Variants in DACH2 observed in about 807,000 individuals in gnomAD.
The protein encoded by DACH2 is dachshund homolog 2.
DACH2 carries 17 observed loss-of-function variants against 35.8 expected under a neutral mutation model. That is an observed-to-expected ratio of 0.48 (90% CI 0.33 to 0.71). The LOEUF (loss-of-function observed/expected upper bound fraction) is 0.71, where lower values mean the gene tolerates loss of function less well. DACH2 is among the 30% of genes least tolerant of loss of function. The pLI, the probability that DACH2 is intolerant of heterozygous loss-of-function variation, is 0.02. For missense variants in DACH2, 469 were observed against 472.7 expected, an observed-to-expected ratio of 0.99 and a Z score of 0.07; for synonymous variants, 195 against 177.3, an observed-to-expected ratio of 1.10 and a Z score of -0.79.
chrX:86,295,450 C>G (rs73516068), intron 1 of DACH2, among the ~76,000 whole-genome samples: 1 of 111,713 alleles, frequency 9.0e-6, no homozygotes, highest in African/African-American at 3.3e-5. Context: ...CATACCCAAC[C>G]AGTTCACTCT....
At chrX:86,575,240 G>A (rs2039422462) in intron 3 of DACH2, among the ~76,000 whole-genome samples, 1 of 110,787 alleles carries the variant, frequency 9.0e-6, no homozygotes, top group African/African-American at 3.3e-5. Context: ...GCACTTGAGA[G>A]CAATCTTTTC....
At chrX:86,598,172 G>A (rs915663247) in intron 3 of DACH2, among the ~76,000 whole-genome samples, 1 of 111,647 alleles carries the variant, frequency 9.0e-6, no homozygotes, top group Admixed American at 9.5e-5. Flanking sequence ...AGATTTGGGT[G>A]GGGACACAGC....
At chrX:86,164,976 C>T (rs1181361845) in intron 1 of DACH2, among the ~76,000 whole-genome samples, 4 of 109,890 alleles carry the variant, frequency 3.6e-5, no homozygotes, top group East Asian at 2.8e-4. Flanking sequence ...TTGTGAAGAA[C>T]GTCATTGGTA....
rs1185129427 is a variant in DACH2, at chrX:86,290,687, C to T, written c.489-86137C>T. Among the ~76,000 whole-genome samples, 9 of 103,705 alleles carry T rather than the reference C, an allele frequency of 8.7e-5. No homozygotes were observed. The East Asian group carries it at 2.5e-3, about 29-fold the overall frequency. 90.1% of individuals were successfully genotyped at this position (103,705 alleles called of 115,157 possible). ...CCATTTATTAAATAGGGAATCCTTT[C>T]CCCATTGCTTGTTTTTCTCAGGTTT... On this transcript the variant is annotated intron_variant, in intron 1 of 11. Transcript: ENST00000373125.
intron 1 of DACH2, among the ~76,000 whole-genome samples, chrX:86,208,629 T>A (rs1396794810): frequency 1.8e-5 from 2 of 111,852 alleles, no homozygotes; most frequent in Admixed American, 1.9e-4. Context: ...GTGTCCTTTT[T>A]TCTACTATGT....
At chrX:86,443,329 C>T (rs1191059263) in intron 2 of DACH2, among the ~76,000 whole-genome samples, 2 of 110,710 alleles carry the variant, frequency 1.8e-5, no homozygotes, top group Non-Finnish European at 3.8e-5. Context: ...ATTGATATTT[C>T]ACTGTGTATA....
At chrX:86,584,722 G>T (rs1391173920) in intron 3 of DACH2, among the ~76,000 whole-genome samples, 3 of 110,498 alleles carry the variant, frequency 2.7e-5, no homozygotes, top group African/African-American at 6.6e-5. Context: ...TAGATTCAGG[G>T]GATATTGAGT....
chrX:86,390,254 A>G (rs1289911173), intron 2 of DACH2, among the ~76,000 whole-genome samples: 1 of 112,112 alleles, frequency 8.9e-6, no homozygotes, highest in Non-Finnish European at 1.9e-5. Context: ...AATTGGACAG[A>G]TTTGTTTTGG....
chrX:86,552,526 A>G (rs940459843), intron 3 of DACH2, among the ~76,000 whole-genome samples: 2 of 112,308 alleles, frequency 1.8e-5, no homozygotes, highest in Non-Finnish European at 3.8e-5. Context: ...AGGGAAGATT[A>G]AAACGCAAAA....
At chrX:86,638,866 T>A (rs1338928269) in intron 3 of DACH2, among the ~76,000 whole-genome samples, 1 of 112,021 alleles carries the variant, frequency 8.9e-6, no homozygotes, top group Admixed American at 9.5e-5. Context: ...CTCAATGAAC[T>A]AAAAATAGAA....
chrX:86,293,831 A>C (rs1165499418), intron 1 of DACH2, among the ~76,000 whole-genome samples: 1 of 110,903 alleles, frequency 9.0e-6, no homozygotes, highest in Non-Finnish European at 1.9e-5. Context: ...GGGTAACCCT[A>C]TGTTTCTCTC....
At chrX:86,402,893 A>G (rs1002068706) in intron 2 of DACH2, among the ~76,000 whole-genome samples, 1 of 111,939 alleles carries the variant, frequency 8.9e-6, no homozygotes, top group South Asian at 3.7e-4. Flanking sequence ...ACCTACAACC[A>G]TCTGATCTTT....
chrX:86,294,835 A>C (rs763649576), intron 1 of DACH2, among the ~76,000 whole-genome samples: 97 of 108,826 alleles, frequency 8.9e-4, no homozygotes, highest in Middle Eastern at 9.7e-3. Flanking sequence ...GCTGTCAGAC[A>C]GGGACATTTA....
intron 7 of DACH2, among the ~76,000 whole-genome samples, chrX:86,751,728 G>GA (rs1207094212): frequency 7.4e-5 from 8 of 107,925 alleles, no homozygotes; most frequent in East Asian, 2.9e-4. Flanking sequence ...AAGGAAATAG[G>GA]AAAAAAAAAG....
chrX:86,182,739 A>G (rs1006949534), intron 1 of DACH2, among the ~76,000 whole-genome samples: 1 of 111,516 alleles, frequency 9.0e-6, no homozygotes, highest in Admixed American at 9.6e-5. Flanking sequence ...TTGATGGGGT[A>G]GCATTGAATC....
At chrX:86,235,100 G>A (rs1474056651) in intron 1 of DACH2, among the ~76,000 whole-genome samples, 2 of 111,242 alleles carry the variant, frequency 1.8e-5, no homozygotes, top group Admixed American at 1.9e-4. Flanking sequence ...GACCTTTACA[G>A]TTTTGAGTAC....
chrX:86,172,041 A>G (rs1470802103), intron 1 of DACH2, among the ~76,000 whole-genome samples: 5 of 112,154 alleles, frequency 4.5e-5, no homozygotes, highest in African/African-American at 1.3e-4. Context: ...AGGTTATTTA[A>G]TGAACATTAC....
In DACH2 at chrX:86,257,260, T is replaced by C. The variant is rs1442366758; in HGVS notation, c.488+108152T>C. ...TTTAACATTTATTAGGCTCTTATTA[T>C]GCTCTAGGCAATGTGCTAAACTCTT... is the stretch of plus-strand genomic sequence containing the variant. On this transcript the variant is annotated intron_variant, in intron 1 of 11. Transcript: ENST00000373125. Among the ~76,000 whole-genome samples the C allele has an allele frequency of 4.5e-5, 5 of 112,008 alleles. No individual in the cohort carries two copies. In the East Asian group the frequency reaches 1.1e-3, roughly 25 times the overall value.
intron 1 of DACH2, among the ~76,000 whole-genome samples, chrX:86,172,423 A>G (rs1390612895): frequency 8.9e-6 from 1 of 112,148 alleles, no homozygotes; most frequent in African/African-American, 3.2e-5. Context: ...GGTCTGCAGC[A>G]GTTCTCAGGC....
Sources: allele counts gnomAD v4.1 joint callset (sites outside exome capture counted in the v4.1 genomes callset), GRCh38; gene constraint gnomAD v4.1.1; transcripts MANE v1.5; gene names NCBI Gene and HGNC (gene_info 2026-07-23, HGNC 2026-07-21).